The following USO1 variants were observed in gnomAD, a reference collection of about 807,000 sequenced individuals.
The protein encoded by USO1 is USO1 vesicle transport factor, also known as general vesicular transport factor p115.
USO1 carries 57 observed loss-of-function variants against 124.5 expected under a neutral mutation model. The ratio of observed to expected loss-of-function variants is 0.46; its 90% CI spans 0.37 to 0.57. The LOEUF (loss-of-function observed/expected upper bound fraction) is 0.57. USO1 is among the 20% of genes least tolerant of loss of function. The probability of loss-of-function intolerance (pLI) is 0.00; values close to 1 mark genes in which losing one functional copy is unlikely to be tolerated. For synonymous variants in USO1, 369 were observed against 362.8 expected (o/e 1.02, Z -0.19); for missense variants, 900 against 1,040.6 (o/e 0.86, Z 1.86).
At chr4:75,731,393 C>T (rs1304103302) in intron 1 of USO1, among the ~76,000 whole-genome samples, 15 of 152,098 alleles carry the variant, frequency 9.9e-5, no homozygotes, top group Non-Finnish European at 1.5e-4. Context: ...GAAACCCTGT[C>T]TCTGCTAAAA....
Position 75,724,583 on chromosome 4 carries a change from T to C in USO1, c.-237T>C. ...GTTCCTCTCGCCTCCGCTCCCCTTTTGCCTTCAACCTTCGAGCCGCCACGT... is the reference window on the plus strand; with the variant it reads ...GTTCCTCTCGCCTCCGCTCCCCTTTCGCCTTCAACCTTCGAGCCGCCACGT... On this transcript the variant is annotated 5_prime_UTR_variant, in exon 1 of 24. Coordinates refer to ENST00000514213, the MANE Select transcript of USO1 (RefSeq NM_003715.4). The C allele has an allele frequency of 5.5e-6, 3 of 544,546 alleles. No individual in the cohort carries two copies. In the South Asian group the frequency reaches 6.3e-5, roughly 11 times the overall value. 33.7% of individuals were successfully genotyped at this position (544,546 alleles called of 1,614,324 possible). A position where few individuals can be genotyped will look rare whatever the true frequency, so the allele number is the denominator to read the frequency against.
At chr4:75,805,994 AT>A (rs1056310994) in intron 19 of USO1, among the ~76,000 whole-genome samples, 1 of 151,096 alleles carries the variant, frequency 6.6e-6, no homozygotes, top group African/African-American at 2.4e-5. Context: ...TAAAAATTTT[AT>A]TTTTTTTTCT....
intron 10 of USO1, 138 bp downstream of exon 10, chr4:75,787,340 A>G (rs544474240): frequency 1.7e-6 from 2 of 1,147,432 alleles, no homozygotes; most frequent in Admixed American, 3.6e-5. Flanking sequence ...TTACTAAAAT[A>G]TAATTCACAT....
intron 11 of USO1, 73 bp downstream of exon 11, chr4:75,790,311 C>T: frequency 6.7e-7 from 1 of 1,484,496 alleles, no homozygotes; most frequent in Non-Finnish European, 9.0e-7. Context: ...CTCATATACA[C>T]ATCTTACTCT....
intron 4 of USO1, among the ~76,000 whole-genome samples, chr4:75,769,855 C>G (rs543153233): frequency 6.0e-5 from 9 of 150,990 alleles, no homozygotes; most frequent in Non-Finnish European, 1.2e-4. Flanking sequence ...AATTAGATGT[C>G]AAATTCTGAT....
chr4:75,725,056 C>T (rs1306435746), intron 1 of USO1, 171 bp downstream of exon 1: 6 of 723,496 alleles, frequency 8.3e-6, no homozygotes, highest in East Asian at 2.8e-5. Context: ...TATTCAATCA[C>T]GCCCCCAGCT....
At position 75,752,746 on chromosome 4, in the gene USO1, G is replaced by T. The variant is rs949478594; in HGVS notation, c.218+142G>T. On this transcript the variant is annotated intron_variant, in intron 3 of 23. Coordinates refer to ENST00000514213, the MANE Select transcript of USO1 (RefSeq NM_003715.4). ...TTGCCATGTTGCCCACGCTGGTCTC[G>T]AACTCCTGGGCTCAGGCGATCTGCC... 3.2e-4 allele frequency: 123 copies of T among 383,650 alleles called. 1 individual carries two copies. The East Asian group carries it at 4.5e-3, about 14-fold the overall frequency. The allele number at this position is 383,650 out of a possible 1,614,324, so 23.8% of individuals were successfully genotyped here. A position where few individuals can be genotyped will look rare whatever the true frequency, so the allele number is the denominator to read the frequency against.
At chr4:75,791,293 G>A (rs932322057) in intron 12 of USO1, among the ~76,000 whole-genome samples, 2 of 152,206 alleles carry the variant, frequency 1.3e-5, no homozygotes, top group African/African-American at 2.4e-5. Context: ...GGAGGCCAAG[G>A]CGGGCAGATA....
chr4:75,761,363 G>A (rs1188593731), intron 4 of USO1, among the ~76,000 whole-genome samples: 1 of 152,122 alleles, frequency 6.6e-6, no homozygotes, highest in African/African-American at 2.4e-5. Flanking sequence ...AGTGAGCAAT[G>A]ATTGCACCTG....
In USO1 at chr4:75,757,601, T is replaced by C. The variant is rs151209667; in HGVS notation, c.295+28T>C. The C allele has an allele frequency of 3.5e-6, 5 of 1,438,766 alleles. No homozygotes were observed. In the East Asian group the frequency reaches 1.1e-4, roughly 32 times the overall value. The allele number at this position is 1,438,766 out of a possible 1,614,324, so 89.1% of individuals were successfully genotyped here. A position where few individuals can be genotyped will look rare whatever the true frequency, so the allele number is the denominator to read the frequency against. ...AAGTTTCCAGTTATTTTTACTGTGTTTTCTGTACTTAAAACCAACTGGGTT... is the reference window on the plus strand; with the variant it reads ...AAGTTTCCAGTTATTTTTACTGTGTCTTCTGTACTTAAAACCAACTGGGTT... On this transcript the variant is annotated intron_variant, in intron 4 of 23. Coordinates refer to ENST00000514213, the MANE Select transcript of USO1 (RefSeq NM_003715.4).
chr4:75,754,187 A>G (rs1721370517), intron 3 of USO1, among the ~76,000 whole-genome samples: 1 of 147,520 alleles, frequency 6.8e-6, no homozygotes, highest in African/African-American at 2.5e-5. Context: ...GGTTCAAGTG[A>G]TTTCTCCTGC....
chr4:75,800,825 T>C, intron 16 of USO1, 26 bp downstream of exon 16: 1 of 1,598,246 alleles, frequency 6.3e-7, no homozygotes, highest in East Asian at 2.3e-5. Context: ...TATATTGATA[T>C]TTGATGGAAA....
At chr4:75,805,818 C>T (rs972680289) in intron 19 of USO1, among the ~76,000 whole-genome samples, 3 of 151,540 alleles carry the variant, frequency 2.0e-5, no homozygotes, top group African/African-American at 4.8e-5. Context: ...CCTCTTTAAA[C>T]TTGTTTCCTG....
At chr4:75,804,491 T>C (rs1722939998) in intron 18 of USO1, among the ~76,000 whole-genome samples, 1 of 152,218 alleles carries the variant, frequency 6.6e-6, no homozygotes, top group South Asian at 2.1e-4. Context: ...TACCTGTTTA[T>C]CTGGCCCATT....
At position 75,724,579 on chromosome 4, in the gene USO1, C is replaced by T. The variant is rs1015269252; in HGVS notation, c.-241C>T. 5 of 540,476 alleles carry T rather than the reference C, an allele frequency of 9.3e-6. No individual in the cohort carries two copies. Among genetic ancestry groups the T allele is most frequent in the South Asian group, 4.2e-5 (2 of 47,572 alleles). 33.5% of individuals were successfully genotyped at this position (540,476 alleles called of 1,614,324 possible). On this transcript the variant is annotated 5_prime_UTR_variant, in exon 1 of 24. Coordinates refer to ENST00000514213, the MANE Select transcript of USO1 (RefSeq NM_003715.4). ...AGAGGTTCCTCTCGCCTCCGCTCCC[C>T]TTTTGCCTTCAACCTTCGAGCCGCC...
chr4:75,800,553 C>A, intron 15 of USO1, 65 bp from the exon 16 acceptor site: 1 of 1,497,064 alleles, frequency 6.7e-7, no homozygotes, highest in Non-Finnish European at 8.9e-7. Flanking sequence ...TTATGTAGAC[C>A]AAGCTTTTAT....
chr4:75,813,107 A>T (rs1723196495), intron 23 of USO1, 99 bp from the exon 24 acceptor site: 1 of 1,276,138 alleles, frequency 7.8e-7, no homozygotes, highest in Non-Finnish European at 1.0e-6. Context: ...GCAAAACTCC[A>T]TCTCAGAAAA....
chr4:75,750,910 T>C (rs1721281613), intron 1 of USO1, among the ~76,000 whole-genome samples: 1 of 152,210 alleles, frequency 6.6e-6, no homozygotes, highest in Non-Finnish European at 1.5e-5. Flanking sequence ...TTTAATGTAA[T>C]TTTATATGCA....
At chr4:75,807,078 G>A (rs1723019006) in intron 20 of USO1, among the ~76,000 whole-genome samples, 1 of 151,920 alleles carries the variant, frequency 6.6e-6, no homozygotes, top group Non-Finnish European at 1.5e-5. Context: ...ATCTAGAAAA[G>A]CAAGTTAAAC....
Sources: gnomAD v4.1 joint callset for allele counts (sites outside exome capture counted in the v4.1 genomes callset) on GRCh38, gnomAD v4.1.1 for gene constraint, MANE v1.5 for transcripts, NCBI Gene and HGNC (gene_info 2026-07-23, HGNC 2026-07-21) for gene names.